Variants in OXR1 observed in about 807,000 individuals in gnomAD.
OXR1 encodes the protein oxidation resistance protein 1.
Under a neutral mutation model 104.6 loss-of-function variants are expected in OXR1, and 41 were observed. The observed-to-expected ratio is 0.39, with a 90% CI of 0.31 to 0.51. The LOEUF is 0.51. OXR1 is among the 20% of genes least tolerant of loss of function. The pLI is 0.77. For missense variants in OXR1, 955 were observed against 1,031.9 expected (o/e 0.93, Z 1.02); for synonymous variants, 348 against 348.4 (o/e 1.00, Z 0.01).
chr8:106,701,226 G>A (rs1221530807), intron 7 of OXR1, among the ~76,000 whole-genome samples: 2 of 152,048 alleles, frequency 1.3e-5, no homozygotes, highest in East Asian at 1.9e-4. Context: ...GCTATTCAGA[G>A]TTTCATATGG....
At position 106,347,161 on chromosome 8, in the gene OXR1, A is replaced by G. The variant is rs1261891747; in HGVS notation, c.-138-12315A>G. Among the ~76,000 whole-genome samples, 4 of 152,400 alleles carry G rather than the reference A, an allele frequency of 2.6e-5. No homozygotes were observed. In the East Asian group the frequency reaches 5.8e-4, roughly 22 times the overall value. On this transcript the variant is annotated intron_variant, in intron 1 of 16. Coordinates refer to ENST00000517566, the MANE Select transcript of OXR1 (RefSeq NM_001198533.2). ...AATAGGCAATTCTTCTCTAGGCTCA[A>G]TGAAAGGACTTGTTTAAGAGAAGCC...
chr8:106,748,155 G>A (rs968071973), intron 16 of OXR1, among the ~76,000 whole-genome samples: 3 of 152,116 alleles, frequency 2.0e-5, no homozygotes, highest in African/African-American at 7.2e-5. Context: ...ATTCAAATGC[G>A]TTTCTAATTT....
intron 3 of OXR1, among the ~76,000 whole-genome samples, chr8:106,624,453 G>T (rs1821982712): frequency 6.6e-6 from 1 of 152,164 alleles, no homozygotes; most frequent in South Asian, 2.1e-4. Context: ...GGATCGGGAA[G>T]AATAGCTAAC....
chr8:106,317,802 AAAAAC>A (rs954683711), intron 1 of OXR1, among the ~76,000 whole-genome samples: 1 of 151,934 alleles, frequency 6.6e-6, no homozygotes, highest in Non-Finnish European at 1.5e-5. Context: ...TCCAAAAAAA[AAAAAC>A]AAAAAGGAGT....
At chr8:106,639,859 T>C (rs1823482067) in intron 3 of OXR1, among the ~76,000 whole-genome samples, 1 of 152,130 alleles carries the variant, frequency 6.6e-6, no homozygotes, top group Admixed American at 6.5e-5. Context: ...GTCATGTTAA[T>C]GTAGACAAGT....
At chr8:106,467,576 C>A (rs1337335350) in intron 2 of OXR1, among the ~76,000 whole-genome samples, 1 of 151,784 alleles carries the variant, frequency 6.6e-6, no homozygotes, top group African/African-American at 2.4e-5. Flanking sequence ...CTTTAGAAAT[C>A]CACTCATTTT....
At chr8:106,298,012 C>A (rs16874308) in intron 1 of OXR1, among the ~76,000 whole-genome samples, 33,436 of 152,098 alleles carry the variant, frequency 0.22, 5,453 homozygotes, top group African/African-American at 0.46. Context: ...CAAATGTAAA[C>A]CTTGCAAAGG....
chr8:106,657,875 G>A (rs1825282899), intron 3 of OXR1: 3 of 1,242,036 alleles, frequency 2.4e-6, no homozygotes, highest in African/African-American at 1.6e-5. Context: ...GGCGCGCGGA[G>A]CCGCCTCCCC....
intron 7 of OXR1, among the ~76,000 whole-genome samples, chr8:106,694,720 ATTT>A (rs1288630183): frequency 2.0e-5 from 2 of 102,322 alleles, no homozygotes; most frequent in African/African-American, 7.4e-5. Flanking sequence ...ATATAAATAT[ATTT>A]TTATATATTT....
intron 6 of OXR1, among the ~76,000 whole-genome samples, chr8:106,691,175 G>A (rs962810943): frequency 1.3e-5 from 2 of 151,902 alleles, no homozygotes; most frequent in Non-Finnish European, 2.9e-5. Context: ...CAATAATGAG[G>A]CTAGATAGAT....
At chr8:106,543,451 C>A (rs1418904888) in intron 3 of OXR1, among the ~76,000 whole-genome samples, 1 of 152,096 alleles carries the variant, frequency 6.6e-6, no homozygotes, top group Admixed American at 6.6e-5. Context: ...GGTATGGTAT[C>A]TTTAAAATTT....
Position 106,363,336 on chromosome 8 carries a change from A to G in OXR1, c.23+3700A>G, listed in dbSNP as rs982699865. 2.6e-5 allele frequency among the ~76,000 whole-genome samples: 4 copies of G among 152,342 alleles called. No homozygotes were observed. In the East Asian group the frequency reaches 7.7e-4, roughly 29 times the overall value. ...ACGTGCAGAATGTGTTTGAAAACAA[A>G]AGGGATATTTGTTTTGCCTGCTTGG... On this transcript the variant is annotated intron_variant, in intron 2 of 16. Transcript: ENST00000517566.
intron 8 of OXR1, among the ~76,000 whole-genome samples, chr8:106,704,405 T>G: frequency 1.2e-5 from 1 of 80,766 alleles, no homozygotes; most frequent in Non-Finnish European, 2.8e-5. Context: ...TTTTTTTTTT[T>G]TTTTTTTTTT....
chr8:106,547,530 G>A (rs1210369127), intron 3 of OXR1, among the ~76,000 whole-genome samples: 2 of 115,782 alleles, frequency 1.7e-5, no homozygotes, highest in Admixed American at 2.2e-4. Context: ...GTGAAACTCT[G>A]TTGCCCAGGC....
intron 3 of OXR1, among the ~76,000 whole-genome samples, chr8:106,668,398 T>C (rs1473781345): frequency 1.3e-5 from 2 of 152,222 alleles, no homozygotes; most frequent in African/African-American, 2.4e-5. Flanking sequence ...CCAAGCATAA[T>C]AATTTAACTA....
chr8:106,397,944 A>G (rs1817847446), intron 2 of OXR1, among the ~76,000 whole-genome samples: 1 of 152,176 alleles, frequency 6.6e-6, no homozygotes, highest in Admixed American at 6.5e-5. Flanking sequence ...GAATCTCTTT[A>G]AGCTCCTTTT....
At chr8:106,303,587 C>G (rs1483071845) in intron 1 of OXR1, among the ~76,000 whole-genome samples, 2 of 152,048 alleles carry the variant, frequency 1.3e-5, no homozygotes, top group Admixed American at 1.3e-4. Context: ...TCAAGGAAAC[C>G]TACTAAATAG....
intron 2 of OXR1, among the ~76,000 whole-genome samples, chr8:106,421,107 A>G (rs141560722): frequency 7.9e-5 from 12 of 152,270 alleles, no homozygotes; most frequent in African/African-American, 2.9e-4. Flanking sequence ...AAATAGAATT[A>G]TTAAGATAAG....
At chr8:106,572,554 A>T (rs530781478) in intron 3 of OXR1, among the ~76,000 whole-genome samples, 3 of 152,254 alleles carry the variant, frequency 2.0e-5, no homozygotes, top group African/African-American at 7.2e-5. Flanking sequence ...CCTACCTTTG[A>T]TATTTTGCTT....
Sources: gnomAD v4.1 joint callset for allele counts (sites outside exome capture counted in the v4.1 genomes callset) on GRCh38, gnomAD v4.1.1 for gene constraint, MANE v1.5 for transcripts, NCBI Gene and HGNC (gene_info 2026-07-23, HGNC 2026-07-21) for gene names.